HSF2BP: variants seen among roughly 807,000 people sequenced by gnomAD.
HSF2BP encodes the protein heat shock transcription factor 2 binding protein.
Under a neutral mutation model 35.0 loss-of-function variants are expected in HSF2BP, and 35 were observed. The ratio of observed to expected loss-of-function variants is 1.00; its 90% confidence interval spans 0.76 to 1.32. HSF2BP has a LOEUF of 1.32. Among genes scored for constraint, HSF2BP ranks in the 40% most tolerant of loss-of-function variants. The pLI is 0.00. For missense variants in HSF2BP, 326 were observed against 321.7 expected (o/e 1.01, Z -0.10); for synonymous variants, 114 against 117.4 (o/e 0.97, Z 0.18).
intron 4 of HSF2BP, among the ~76,000 whole-genome samples, chr21:43,634,860 T>A (rs2082530574): frequency 6.6e-6 from 1 of 152,190 alleles, no homozygotes; most frequent in Non-Finnish European, 1.5e-5. Context: ...TGGTGACACA[T>A]GAAGAAAACT....
At position 43,592,218 on chromosome 21, in the gene HSF2BP, C is replaced by T. The variant is rs774146888; in HGVS notation, c.796+7G>A. The T allele has an allele frequency of 3.1e-6, 5 of 1,594,592 alleles. 1 individual carries two copies. Among genetic ancestry groups the T allele is most frequent in the Middle Eastern group, 1.7e-4 (1 of 6,028 alleles). On this transcript the variant is annotated splice_region_variant and intron_variant, in intron 8 of 8. Transcript: ENST00000291560. Reference sequence around the variant, plus strand: ...CAAGCAGCTGGACAGATAACCACCCCCCTTACCACTCAAAAGCCACCACAG... The same window carrying T: ...CAAGCAGCTGGACAGATAACCACCCTCCTTACCACTCAAAAGCCACCACAG...
chr21:43,618,592 C>A (rs1161235473), intron 6 of HSF2BP, among the ~76,000 whole-genome samples: 1 of 152,016 alleles, frequency 6.6e-6, no homozygotes, highest in East Asian at 1.9e-4. Flanking sequence ...GAATACCTAC[C>A]ACACACCATA....
intron 8 of HSF2BP, among the ~76,000 whole-genome samples, chr21:43,578,671 T>C (rs549391426): frequency 3.0e-4 from 46 of 152,322 alleles, no homozygotes; most frequent in Admixed American, 1.6e-3. Context: ...TAGCATGCTG[T>C]CACTGACACA....
chr21:43,656,797 CAA>C, intron 2 of HSF2BP, 60 bp from the exon 3 acceptor site: 1 of 1,470,328 alleles, frequency 6.8e-7, no homozygotes, highest in Non-Finnish European at 9.4e-7. Context: ...AACAACAGCT[CAA>C]GTTAACTTGC....
chr21:43,609,090 CAGAA>C (rs746588092), intron 7 of HSF2BP, among the ~76,000 whole-genome samples: 1 of 152,218 alleles, frequency 6.6e-6, no homozygotes, highest in Non-Finnish European at 1.5e-5. Flanking sequence ...ACTTCGCAGC[CAGAA>C]AGAAAGACCA....
chr21:43,609,743 A>G (rs1352932206), intron 7 of HSF2BP: 1 of 152,404 alleles, frequency 6.6e-6, no homozygotes, highest in African/African-American at 2.4e-5. Flanking sequence ...AGCCATGAGC[A>G]TGTTGGAAGG....
chr21:43,610,655 C>G (rs924848671), intron 7 of HSF2BP, among the ~76,000 whole-genome samples: 1 of 152,052 alleles, frequency 6.6e-6, no homozygotes, highest in African/African-American at 2.4e-5. Context: ...TATATTTTTT[C>G]TCTTTAGAGG....
intron 5 of HSF2BP, among the ~76,000 whole-genome samples, chr21:43,632,049 TCCC>T (rs140069817): frequency 1.1e-4 from 1 of 9,264 alleles, no homozygotes; most frequent in Non-Finnish European, 2.3e-4. Flanking sequence ...ACACACACGC[TCCC>T]CCCCCACACA....
At chr21:43,632,536 T>C (rs985323100) in intron 5 of HSF2BP, among the ~76,000 whole-genome samples, 1 of 151,862 alleles carries the variant, frequency 6.6e-6, no homozygotes, top group Non-Finnish European at 1.5e-5. Context: ...ACTGCACAGG[T>C]CCACTTACAC....
chr21:43,592,655 C>A (rs2081941240), intron 7 of HSF2BP, among the ~76,000 whole-genome samples: 1 of 152,152 alleles, frequency 6.6e-6, no homozygotes, highest in Admixed American at 6.5e-5. Flanking sequence ...ATACAGGTTA[C>A]CCTCAATTTG....
At chr21:43,621,538 AAAG>A (rs1290786039) in intron 6 of HSF2BP, among the ~76,000 whole-genome samples, 5 of 152,128 alleles carry the variant, frequency 3.3e-5, no homozygotes, top group African/African-American at 4.8e-5. Context: ...GAAAAAAAAA[AAAG>A]AAGAAGAAGA....
At chr21:43,581,407 A>G (rs2081730252) in intron 8 of HSF2BP, among the ~76,000 whole-genome samples, 1 of 151,928 alleles carries the variant, frequency 6.6e-6, no homozygotes, top group Admixed American at 6.6e-5. Flanking sequence ...AAGAAAGAAA[A>G]GAAAGAAGGA....
intron 6 of HSF2BP, among the ~76,000 whole-genome samples, chr21:43,628,467 G>A (rs1047531961): frequency 6.6e-6 from 1 of 152,230 alleles, no homozygotes; most frequent in Non-Finnish European, 1.5e-5. Context: ...ATTCTGTGAA[G>A]GCTGACAGGG....
chr21:43,623,957 A>C (rs978529156), intron 6 of HSF2BP, among the ~76,000 whole-genome samples: 1 of 152,172 alleles, frequency 6.6e-6, no homozygotes, highest in African/African-American at 2.4e-5. Flanking sequence ...ATGGGTGCTC[A>C]AAGAACCAAA....
chr21:43,579,857 T>G (rs530677641), intron 8 of HSF2BP, among the ~76,000 whole-genome samples: 1 of 152,366 alleles, frequency 6.6e-6, no homozygotes, highest in East Asian at 1.9e-4. Flanking sequence ...CAATTGCTGT[T>G]CCACTCAATT....
chr21:43,658,117 C>T lies in HSF2BP; in HGVS notation c.-21G>A, dbSNP rs752587102. ...CCCATGGCCGCTGCCGCCTCCGCTC[C>T]GTTCGCCTGAGCGTCGGCGCGCCCT... is the stretch of plus-strand genomic sequence containing the variant. On this transcript the variant is annotated 5_prime_UTR_variant, in exon 2 of 9. Coordinates refer to ENST00000291560, the MANE Select transcript of HSF2BP (RefSeq NM_007031.2). 11 of 1,523,050 alleles carry T rather than the reference C, an allele frequency of 7.2e-6. No individual in the cohort carries two copies. The African/African-American group carries it at 8.3e-5, about 11-fold the overall frequency. The allele number at this position is 1,523,050 out of a possible 1,614,324, so 94.3% of individuals were successfully genotyped here. A position where few individuals can be genotyped will look rare whatever the true frequency, so the allele number is the denominator to read the frequency against.
chr21:43,611,693 G>C (rs1346548902), intron 7 of HSF2BP, among the ~76,000 whole-genome samples: 1 of 152,194 alleles, frequency 6.6e-6, no homozygotes, highest in Admixed American at 6.5e-5. Flanking sequence ...ACATCCCCCA[G>C]GTAACTCAAA....
rs2082004126 is a variant in HSF2BP, at chr21:43,597,773, T to C, written c.693-5445A>G. ...CTCAGGCAATTTTCCCACGTCGGCC[T>C]CCCAAAGTGCTGGGATTACAGGCAT... On this transcript the variant is annotated intron_variant, in intron 7 of 8. Transcript: ENST00000291560. This position sits in a 1 kb window ranked among gnomAD's most constrained non-coding sequence, Gnocchi z 4.3. Among the ~76,000 whole-genome samples, 1 of 152,194 alleles carries C rather than the reference T, an allele frequency of 6.6e-6. No individual in the cohort carries two copies. The highest frequency in any genetic ancestry group is 2.1e-4 in the South Asian group (1 of 4,834).
chr21:43,583,087 G>A (rs1483195882), intron 8 of HSF2BP, among the ~76,000 whole-genome samples: 1 of 15,464 alleles, frequency 6.5e-5, no homozygotes, highest in African/African-American at 4.8e-4. Flanking sequence ...GGAGATGAAG[G>A]CCTGCTGAAG....
Sources: gnomAD v4.1 joint callset for allele counts (sites outside exome capture counted in the v4.1 genomes callset) on GRCh38, gnomAD v4.1.1 for gene constraint, Gnocchi (gnomAD v3.1) non-coding constraint, MANE v1.5 for transcripts, NCBI Gene and HGNC (gene_info 2026-07-23, HGNC 2026-07-21) for gene names.